PPM1G: variants seen among roughly 807,000 people sequenced by gnomAD.
PPM1G encodes the protein protein phosphatase 1G.
Under a neutral mutation model 59.4 loss-of-function variants are expected in PPM1G, and 12 were observed. The ratio of observed to expected loss-of-function variants is 0.20; its 90% confidence interval spans 0.13 to 0.33. The LOEUF (loss-of-function observed/expected upper bound fraction) is 0.33. Among genes scored for constraint, PPM1G ranks in the 10% least tolerant of loss-of-function variants. The pLI is 1.00. For synonymous variants in PPM1G, 245 were observed against 251.9 expected (o/e 0.97, Z 0.26); for missense variants, 392 against 681.3 (o/e 0.58, Z 4.73).
intron 1 of PPM1G, 100 bp from the exon 2 acceptor site, chr2:27,387,258 C>T: frequency 3.6e-6 from 3 of 832,760 alleles, no homozygotes; most frequent in South Asian, 3.1e-5. Flanking sequence ...CCCTGGCTGG[C>T]CTATATGGCC....
intron 1 of PPM1G, among the ~76,000 whole-genome samples, chr2:27,401,380 G>T (rs987909261): frequency 7.9e-5 from 12 of 152,170 alleles, no homozygotes; most frequent in African/African-American, 2.9e-4. Context: ...TTTATAAAAT[G>T]TTCAGAATAG....
intron 1 of PPM1G, among the ~76,000 whole-genome samples, chr2:27,393,808 G>T (rs1683977706): frequency 6.6e-6 from 1 of 151,938 alleles, no homozygotes; most frequent in Admixed American, 6.6e-5. Flanking sequence ...TGTCGTCCAG[G>T]CTGGACTGAA....
Position 27,381,515 on chromosome 2 carries a change from A to G in PPM1G, c.*84T>C. ...CCCTGCACACCTCATACCCACTGCT[A>G]AGGCTAAAGGAAAAAGACAAAACTC... is the stretch of plus-strand genomic sequence containing the variant. On this transcript the variant is annotated 3_prime_UTR_variant, in exon 10 of 10. Transcript: ENST00000344034. The G allele has an allele frequency of 6.5e-7, 1 of 1,529,458 alleles. No homozygotes were observed. Among genetic ancestry groups the G allele is most frequent in the African/African-American group, 1.4e-5 (1 of 73,286 alleles). 94.7% of individuals were successfully genotyped at this position (1,529,458 alleles called of 1,614,324 possible).
At chr2:27,405,245 T>C (rs975055862) in intron 1 of PPM1G, among the ~76,000 whole-genome samples, 10 of 151,764 alleles carry the variant, frequency 6.6e-5, no homozygotes. Flanking sequence ...AGCTAATTCT[T>C]GTATTTTAGA....
chr2:27,381,957 G>T, intron 9 of PPM1G, 152 bp from the exon 10 acceptor site: 3 of 1,008,750 alleles, frequency 3.0e-6, no homozygotes, highest in Non-Finnish European at 4.5e-6. Context: ...AGTCCATAAG[G>T]CATAAGGCTA....
Position 27,383,661 on chromosome 2 carries a change from C to T in PPM1G, c.967-61G>A. ...TGAACATGCGTTCCTCACTGATGTG[C>T]TCCTGATCGTTCACCTATGCTTGCT... On this transcript the variant is annotated intron_variant, in intron 6 of 9. Coordinates refer to ENST00000344034, the MANE Select transcript of PPM1G (RefSeq NM_177983.3). This position sits in a 1 kb window ranked among gnomAD's most constrained non-coding sequence, Gnocchi z 5.0. The T allele has an allele frequency of 1.4e-6, 2 of 1,468,208 alleles. No homozygotes were observed. Among genetic ancestry groups the T allele is most frequent in the South Asian group, 1.2e-5 (1 of 80,248 alleles). The allele number at this position is 1,468,208 out of a possible 1,614,324, so 90.9% of individuals were successfully genotyped here.
In PPM1G at chr2:27,385,992, C is replaced by T. The variant is rs1683755446; in HGVS notation, c.277-113G>A. ...GTGTGAGCCACCACACTAAGAGACA[C>T]TCACAGATAAAAACAGCTCAGAGGC... is the stretch of plus-strand genomic sequence containing the variant. On this transcript the variant is annotated intron_variant, in intron 3 of 9. Coordinates refer to ENST00000344034, the MANE Select transcript of PPM1G (RefSeq NM_177983.3). This position sits in a 1 kb window ranked among gnomAD's most constrained non-coding sequence, Gnocchi z 4.1. 1.2e-5 allele frequency: 17 copies of T among 1,394,968 alleles called. No individual in the cohort carries two copies. In the South Asian group the frequency reaches 2.2e-4, roughly 18 times the overall value. The allele number at this position is 1,394,968 out of a possible 1,614,324, so 86.4% of individuals were successfully genotyped here.
At chr2:27,386,852 A>C in intron 2 of PPM1G, 1 of 359,738 alleles carries the variant, frequency 2.8e-6, no homozygotes, top group Non-Finnish European at 5.0e-6. Context: ...AATTTTAAAA[A>C]ATAAAAATAA....
chr2:27,381,513 C>CT lies in PPM1G; in HGVS notation c.*85dup. 1 of 1,528,696 alleles carries CT rather than the reference C, an allele frequency of 6.5e-7. No homozygotes were observed. Among genetic ancestry groups the CT allele is most frequent in the Non-Finnish European group, 9.0e-7 (1 of 1,107,014 alleles). The allele number at this position is 1,528,696 out of a possible 1,614,324, so 94.7% of individuals were successfully genotyped here. A position where few individuals can be genotyped will look rare whatever the true frequency, so the allele number is the denominator to read the frequency against. On this transcript the variant is annotated 3_prime_UTR_variant, in exon 10 of 10. Coordinates refer to ENST00000344034, the MANE Select transcript of PPM1G (RefSeq NM_177983.3). ...CCCCCTGCACACCTCATACCCACTG[C>CT]TAAGGCTAAAGGAAAAAGACAAAAC...
intron 1 of PPM1G, among the ~76,000 whole-genome samples, chr2:27,397,598 C>T (rs139021195): frequency 6.6e-6 from 1 of 152,248 alleles, no homozygotes; most frequent in Non-Finnish European, 1.5e-5. Context: ...ACCCTATGAT[C>T]ATCACAATAG....
At chr2:27,405,757 T>C (rs927005494) in intron 1 of PPM1G, among the ~76,000 whole-genome samples, 1 of 151,710 alleles carries the variant, frequency 6.6e-6, no homozygotes, top group African/African-American at 2.4e-5. Context: ...GCTCACAGCA[T>C]TTTGGGAGGC....
chr2:27,389,944 G>T (rs555272321), intron 1 of PPM1G, among the ~76,000 whole-genome samples: 1 of 152,132 alleles, frequency 6.6e-6, no homozygotes, highest in African/African-American at 2.4e-5. Context: ...CTCCAGCCTG[G>T]GTGACAGAGG....
At chr2:27,404,055 T>C (rs1216812452) in intron 1 of PPM1G, among the ~76,000 whole-genome samples, 1 of 152,164 alleles carries the variant, frequency 6.6e-6, no homozygotes, top group Non-Finnish European at 1.5e-5. Context: ...TTATATTTTT[T>C]CCATTAATTT....
intron 3 of PPM1G, 83 bp downstream of exon 3, chr2:27,386,111 C>A: frequency 7.2e-7 from 1 of 1,385,502 alleles, no homozygotes; most frequent in Non-Finnish European, 1.0e-6. Context: ...AGCTAGAGGA[C>A]AAAAAGAAAG....
Position 27,409,591 on chromosome 2 carries a change from T to A in PPM1G, c.-169A>T. On this transcript the variant is annotated 5_prime_UTR_variant, in exon 1 of 10. Transcript: ENST00000344034. Reference sequence around the variant, plus strand: ...GGAGGCGGTAACGGGACGGGAGCTGTGAGGGAGCGGAAGCGGAAACGGCGC... The same window carrying A: ...GGAGGCGGTAACGGGACGGGAGCTGAGAGGGAGCGGAAGCGGAAACGGCGC... The A allele has an allele frequency of 1.2e-6, 1 of 860,698 alleles. No individual in the cohort carries two copies. The highest frequency in any genetic ancestry group is 1.6e-6 in the Non-Finnish European group (1 of 635,736). The allele number at this position is 860,698 out of a possible 1,614,324, so 53.3% of individuals were successfully genotyped here.
chr2:27,392,871 G>C, intron 1 of PPM1G: 1 of 1,442,308 alleles, frequency 6.9e-7, no homozygotes, highest in Non-Finnish European at 9.6e-7. Context: ...TCTCGTGCAT[G>C]TTGGTCACGT....
chr2:27,381,997 T>G (rs1683643051), intron 9 of PPM1G, 129 bp downstream of exon 9: 4 of 1,069,200 alleles, frequency 3.7e-6, no homozygotes, highest in Admixed American at 4.1e-5. Context: ...GGTGGAACTT[T>G]GGAGTCGGGG....
intron 1 of PPM1G, among the ~76,000 whole-genome samples, chr2:27,390,200 A>C (rs1683866404): frequency 6.6e-6 from 1 of 152,094 alleles, no homozygotes; most frequent in African/African-American, 2.4e-5. Flanking sequence ...TTGTATTTTC[A>C]GTAGAGACGG....
chr2:27,400,088 T>C (rs555232754), intron 1 of PPM1G, among the ~76,000 whole-genome samples: 9 of 151,998 alleles, frequency 5.9e-5, no homozygotes, highest in Non-Finnish European at 1.3e-4. Flanking sequence ...TGACACAACA[T>C]TGATGACCCT....
Sources: allele counts gnomAD v4.1 joint callset (sites outside exome capture counted in the v4.1 genomes callset), GRCh38; gene constraint gnomAD v4.1.1; non-coding constraint Gnocchi (gnomAD v3.1); transcripts MANE v1.5; gene names NCBI Gene and HGNC (gene_info 2026-07-23, HGNC 2026-07-21).